The following ATG2B variants were observed in gnomAD, a reference collection of about 807,000 sequenced individuals.
ATG2B encodes autophagy related 2B, also known as autophagy-related protein 2 homolog B.
In ATG2B, 121 loss-of-function variants were observed where a neutral mutation model predicts 241.3. The ratio of observed to expected loss-of-function variants is 0.50; its 90% CI spans 0.43 to 0.58. The LOEUF is 0.58. Ranked by LOEUF, ATG2B falls within the 20% of genes least tolerant of loss-of-function variation. The pLI, the probability that ATG2B is intolerant of heterozygous loss-of-function variation, is 0.00. For missense variants in ATG2B, 2,306 were observed against 2,491.6 expected (o/e 0.93, Z 1.59); for synonymous variants, 858 against 876.6 (o/e 0.98, Z 0.37).
At chr14:96,286,135 C>T (rs1269916966) in intron 41 of ATG2B, 150 bp from the exon 42 acceptor site, 8 of 594,464 alleles carry the variant, frequency 1.3e-5, no homozygotes, top group Non-Finnish European at 2.3e-5. Context: ...TTAGATAAAC[C>T]AGGATTATTA....
chr14:96,359,767 G>A lies in ATG2B; in HGVS notation c.162+3048C>T, dbSNP rs566963852. Among the ~76,000 whole-genome samples, 49 of 152,234 alleles carry A rather than the reference G, an allele frequency of 3.2e-4. No individual in the cohort carries two copies. The South Asian group carries it at 8.7e-3, about 27-fold the overall frequency. On this transcript the variant is annotated intron_variant, in intron 1 of 41. Coordinates refer to ENST00000359933, the MANE Select transcript of ATG2B (RefSeq NM_018036.7). ...TATTTCTCCCTCCACTTCATGCCAC[G>A]TTTAAGGTAGTAATCTCCAAAACTG... is the stretch of plus-strand genomic sequence containing the variant.
intron 33 of ATG2B, among the ~76,000 whole-genome samples, chr14:96,302,396 C>A (rs1886816544): frequency 1.3e-5 from 2 of 151,994 alleles, no homozygotes; most frequent in Admixed American, 1.3e-4. Context: ...CCAGCCTGTG[C>A]AATATAGGAA....
intron 32 of ATG2B, among the ~76,000 whole-genome samples, chr14:96,304,058 G>A (rs1292490974): frequency 2.6e-5 from 4 of 152,236 alleles, no homozygotes; most frequent in African/African-American, 4.8e-5. Flanking sequence ...GATGCCATCA[G>A]TAGTCTGGCC....
Position 96,325,791 on chromosome 14 carries a change from T to C in ATG2B, c.2295A>G (p.Gln765=). The C allele has an allele frequency of 6.2e-7, 1 of 1,614,070 alleles. No individual in the cohort carries two copies. Among genetic ancestry groups the C allele is most frequent in the South Asian group, 1.1e-5 (1 of 91,086 alleles). ...ACTTCTTAAACCATGGTCCTCTTTC[T>C]TGATCAGATCGAAGATCAGGTATTG... is the stretch of plus-strand genomic sequence containing the variant. ...RFPIPDLRSD[Q]ERGPWFKKSL... The change falls in exon 15 of 42, where the codon CAA becomes CAG. Residue 765 remains glutamine (Q), a synonymous_variant. Coordinates refer to ENST00000359933, the MANE Select transcript of ATG2B (RefSeq NM_018036.7).
At chr14:96,300,812 T>G (rs1290391310) in intron 34 of ATG2B, among the ~76,000 whole-genome samples, 1 of 152,268 alleles carries the variant, frequency 6.6e-6, no homozygotes, top group Non-Finnish European at 1.5e-5. Context: ...GCTAAGCTTC[T>G]GTACTTCACA....
Position 96,304,603 on chromosome 14 carries a change from A to G in ATG2B, c.4734T>C (p.Ile1578=), listed in dbSNP as rs1886882561. The change falls in exon 32 of 42, where the codon ATT becomes ATC. Residue 1578 remains isoleucine (I), a splice_region_variant and synonymous_variant. Transcript: ENST00000359933. The stretch of plus-strand genomic sequence containing the variant: ...TGTGAGAAGGCGAACTGTGGGGACT[A>G]CTAAAAATGAGCAAAAAAAAAAAAA... ...VPPTSPAKSY[I]SPHSSPSHTP... is the part of the protein sequence containing the mutation. 2 of 1,556,292 alleles carry G rather than the reference A, an allele frequency of 1.3e-6. No individual in the cohort carries two copies. The highest frequency in any genetic ancestry group is 4.5e-5 in the East Asian group (2 of 44,320).
At chr14:96,339,708 G>A (rs925002616) in intron 6 of ATG2B, among the ~76,000 whole-genome samples, 1 of 151,888 alleles carries the variant, frequency 6.6e-6, no homozygotes, top group Non-Finnish European at 1.5e-5. Flanking sequence ...ATAATGGACT[G>A]TAGGGACTCA....
At position 96,282,750 on chromosome 14, in the gene ATG2B, A is replaced by C. The variant is rs1886232680; in HGVS notation, c.*3005T>G. The C allele has an allele frequency of 6.6e-6, 1 of 152,238 alleles. No homozygotes were observed. 9.4% of individuals were successfully genotyped at this position (152,238 alleles called of 1,614,324 possible). ...TTTTGGAAATGAACAAAGACACTAA[A>C]CCTACAGAACATCGTTTTTAAAGGA... On this transcript the variant is annotated 3_prime_UTR_variant, in exon 42 of 42. Transcript: ENST00000359933.
chr14:96,343,942 A>C (rs1320163748), intron 4 of ATG2B, among the ~76,000 whole-genome samples: 2 of 152,124 alleles, frequency 1.3e-5, no homozygotes, highest in East Asian at 3.8e-4. Context: ...TTCAGTAGAG[A>C]CCCCCAGTAG....
At chr14:96,335,011 G>A (rs748454482) in intron 6 of ATG2B, among the ~76,000 whole-genome samples, 6 of 152,116 alleles carry the variant, frequency 3.9e-5, no homozygotes, top group African/African-American at 4.8e-5. Context: ...CACAAAGCCC[G>A]CTCTGCATGC....
At chr14:96,287,978 A>C (rs1052399055) in intron 41 of ATG2B, among the ~76,000 whole-genome samples, 9 of 150,820 alleles carry the variant, frequency 6.0e-5, no homozygotes, top group African/African-American at 2.2e-4. Context: ...CTGACATCTA[A>C]AATGGAAAAG....
In ATG2B at chr14:96,345,226, A is replaced by G; in HGVS notation, c.478+7T>C. On this transcript the variant is annotated splice_region_variant and intron_variant, in intron 3 of 41. Coordinates refer to ENST00000359933, the MANE Select transcript of ATG2B (RefSeq NM_018036.7). The stretch of plus-strand genomic sequence containing the variant: ...TAAATTTTTGAAAATTCTCAGTAAC[A>G]CCAAACCTGTTTCAATGGTTTCAGC... The G allele has an allele frequency of 6.2e-7, 1 of 1,608,356 alleles. No individual in the cohort carries two copies. The highest frequency in any genetic ancestry group is 8.5e-7 in the Non-Finnish European group (1 of 1,178,054).
chr14:96,322,820 C>A, intron 16 of ATG2B, 85 bp from the exon 17 acceptor site: 1 of 1,070,270 alleles, frequency 9.3e-7, no homozygotes, highest in Non-Finnish European at 1.3e-6. Flanking sequence ...ATACACACAC[C>A]ACTGGTTAAA....
Position 96,306,591 on chromosome 14 carries a change from A to T in ATG2B, c.4506+123T>A, listed in dbSNP as rs1416591938. The T allele has an allele frequency of 9.1e-6, 6 of 659,478 alleles. No homozygotes were observed. The East Asian group carries it at 9.3e-5, about 10-fold the overall frequency. The allele number at this position is 659,478 out of a possible 1,614,324, so 40.9% of individuals were successfully genotyped here. A position where few individuals can be genotyped will look rare whatever the true frequency, so the allele number is the denominator to read the frequency against. On this transcript the variant is annotated intron_variant, in intron 30 of 41. Coordinates refer to ENST00000359933, the MANE Select transcript of ATG2B (RefSeq NM_018036.7). Reference sequence around the variant, plus strand: ...TCACCAACTGTCAATAGTATATTAAAAAAAAAAAAGTAACTCTGAACTATA... The same window carrying T: ...TCACCAACTGTCAATAGTATATTAATAAAAAAAAAGTAACTCTGAACTATA...
intron 20 of ATG2B, among the ~76,000 whole-genome samples, chr14:96,316,927 A>C (rs943354327): frequency 8.6e-5 from 13 of 151,876 alleles, no homozygotes; most frequent in African/African-American, 2.9e-4. Flanking sequence ...CAGAATTAGC[A>C]CCTGTTTTCC....
intron 4 of ATG2B, among the ~76,000 whole-genome samples, chr14:96,344,237 C>T (rs538275940): frequency 6.4e-4 from 97 of 152,288 alleles, no homozygotes; most frequent in African/African-American, 2.2e-3. Flanking sequence ...GTGGCCTTAG[C>T]CTTTCTCACT....
chr14:96,332,449 G>T (rs764715278), intron 9 of ATG2B, 39 bp from the exon 10 acceptor site: 17 of 1,611,912 alleles, frequency 1.1e-5, no homozygotes, highest in Non-Finnish European at 1.4e-5. Flanking sequence ...ATGAAGTGTA[G>T]AATTTTAGAA....
At chr14:96,313,554 C>T in intron 23 of ATG2B, 119 bp from the exon 24 acceptor site, 1 of 518,986 alleles carries the variant, frequency 1.9e-6, no homozygotes, top group Admixed American at 3.8e-5. Context: ...ATTGGAAAAT[C>T]ATAACGGTAA....
chr14:96,292,106 TAAAG>T lies in ATG2B; in HGVS notation c.5427-12_5427-9del. On this transcript the variant is annotated splice_polypyrimidine_tract_variant and intron_variant, in intron 36 of 41. Coordinates refer to ENST00000359933, the MANE Select transcript of ATG2B (RefSeq NM_018036.7). ...GACGTGAATCTAAATTCTCTGAAGA[TAAAG>T]GAAGGAGGGAGTTATTTACATTTAC... 1.3e-6 allele frequency: 2 copies of T among 1,575,026 alleles called. No homozygotes were observed. Among genetic ancestry groups the T allele is most frequent in the Non-Finnish European group, 1.7e-6 (2 of 1,155,898 alleles).
Sources: allele counts gnomAD v4.1 joint callset (sites outside exome capture counted in the v4.1 genomes callset), GRCh38; gene constraint gnomAD v4.1.1; transcripts MANE v1.5; gene names NCBI Gene and HGNC (gene_info 2026-07-23, HGNC 2026-07-21).